Variants in POLA1 observed in about 807,000 individuals in gnomAD.
POLA1 encodes DNA polymerase alpha 1, catalytic subunit.
A neutral mutation model predicts 124.0 loss-of-function variants in POLA1; 15 were observed. That is an observed-to-expected ratio of 0.12 (90% CI 0.08 to 0.19). POLA1 has a LOEUF of 0.19. Among genes scored for constraint, POLA1 ranks in the 10% least tolerant of loss-of-function variants. The pLI is 1.00. For synonymous variants in POLA1, 408 were observed against 389.4 expected, an observed-to-expected ratio of 1.05 and a Z score of -0.56; for missense variants, 886 against 1,103.4, an observed-to-expected ratio of 0.80 and a Z score of 2.79.
At chrX:24,818,808 A>G (rs994100124) in intron 30 of POLA1, among the ~76,000 whole-genome samples, 4 of 112,247 alleles carry the variant, frequency 3.6e-5, no homozygotes, top group African/African-American at 1.3e-4. Context: ...ACAATTTTGC[A>G]CATCTCTTTA....
chrX:24,995,723 A>G lies in POLA1; in HGVS notation c.4262-82A>G, dbSNP rs181272052. ...AGATGGTGGAGATACAAATGGAATC[A>G]GCATCCCCTTCTCTGGTGGAATACT... On this transcript the variant is annotated intron_variant, in intron 36 of 36. Coordinates refer to ENST00000379068, the MANE Select transcript of POLA1 (RefSeq NM_001330360.2). The G allele has an allele frequency of 2.4e-4, 207 of 862,705 alleles. 1 individual carries two copies. The African/African-American group carries it at 3.6e-3, about 15-fold the overall frequency. The allele number at this position is 862,705 out of a possible 1,213,427, so 71.1% of individuals were successfully genotyped here.
At chrX:24,840,804 C>A (rs910282944) in intron 32 of POLA1, among the ~76,000 whole-genome samples, 1 of 111,830 alleles carries the variant, frequency 8.9e-6, no homozygotes, top group Non-Finnish European at 1.9e-5. Flanking sequence ...CCTTAGCAAT[C>A]CCTAAAATTC....
intron 35 of POLA1, among the ~76,000 whole-genome samples, chrX:24,920,616 A>G (rs1027566531): frequency 8.9e-6 from 1 of 112,424 alleles, no homozygotes; most frequent in South Asian, 3.7e-4. Flanking sequence ...CCTGGCATCA[A>G]GTATTGGCTC....
intron 34 of POLA1, among the ~76,000 whole-genome samples, chrX:24,855,520 A>G (rs1486966538): frequency 8.9e-6 from 1 of 111,848 alleles, no homozygotes; most frequent in Non-Finnish European, 1.9e-5. Context: ...GGGTAGGTAC[A>G]TGATCTGTGA....
intron 34 of POLA1, among the ~76,000 whole-genome samples, chrX:24,865,626 A>G (rs2046783369): frequency 9.0e-6 from 1 of 111,668 alleles, no homozygotes; most frequent in Non-Finnish European, 1.9e-5. Flanking sequence ...TCATATAAAA[A>G]CTACGGAATG....
chrX:24,719,537 T>C (rs1930069208), intron 10 of POLA1, among the ~76,000 whole-genome samples: 1 of 111,847 alleles, frequency 8.9e-6, no homozygotes, highest in Admixed American at 9.5e-5. Flanking sequence ...AAGCAGATGA[T>C]TTCCCATCCA....
intron 36 of POLA1, among the ~76,000 whole-genome samples, chrX:24,958,939 T>C (rs2048138587): frequency 8.9e-6 from 1 of 111,908 alleles, no homozygotes; most frequent in Non-Finnish European, 1.9e-5. Flanking sequence ...AGACTGACTT[T>C]TGGACTCGCA....
chrX:24,837,653 A>T (rs773162032), intron 32 of POLA1, among the ~76,000 whole-genome samples: 6 of 112,120 alleles, frequency 5.4e-5, no homozygotes, highest in Non-Finnish European at 1.1e-4. Context: ...AGATGTCCAG[A>T]TATATGAAAG....
At chrX:24,773,219 T>C (rs2045073767) in intron 26 of POLA1, among the ~76,000 whole-genome samples, 1 of 112,544 alleles carries the variant, frequency 8.9e-6, no homozygotes, top group Non-Finnish European at 1.9e-5. Context: ...TGAATGCAGA[T>C]AGAATCAGGG....
chrX:24,944,205 GT>G (rs2047937222), intron 36 of POLA1, among the ~76,000 whole-genome samples: 1 of 111,996 alleles, frequency 8.9e-6, no homozygotes, highest in Non-Finnish European at 1.9e-5. Context: ...TGGGTATATA[GT>G]GGCTTTCCAT....
At chrX:24,941,592 A>T (rs993323469) in intron 36 of POLA1, among the ~76,000 whole-genome samples, 1 of 112,533 alleles carries the variant, frequency 8.9e-6, no homozygotes, top group African/African-American at 3.2e-5. Context: ...TCTGGTTCAT[A>T]TAATGCTACC....
At chrX:24,761,903 C>G (rs1186659016) in intron 26 of POLA1, among the ~76,000 whole-genome samples, 1 of 111,756 alleles carries the variant, frequency 8.9e-6, no homozygotes, top group Non-Finnish European at 1.9e-5. Flanking sequence ...AGAGCTAGAG[C>G]TTGGGAAGCT....
In POLA1 at chrX:24,816,015, ATC is replaced by A. The variant is rs767256450; in HGVS notation, c.3429+906_3429+907del. Among the ~76,000 whole-genome samples the A allele has an allele frequency of 2.7e-5, 3 of 112,451 alleles. No homozygotes were observed. In the South Asian group the frequency reaches 1.1e-3, roughly 41 times the overall value. On this transcript the variant is annotated intron_variant, in intron 30 of 36. Coordinates refer to ENST00000379068, the MANE Select transcript of POLA1 (RefSeq NM_001330360.2). ...ATTAATCAGTGTATTAAAAAGATGT[ATC>A]TGTTTCACTGATACATCTTTATTTA...
At chrX:24,909,615 A>G (rs1274055013) in intron 35 of POLA1, among the ~76,000 whole-genome samples, 8 of 111,300 alleles carry the variant, frequency 7.2e-5, no homozygotes, top group African/African-American at 2.6e-4. Flanking sequence ...TGGTATCAGT[A>G]CCATGCTGTT....
chrX:24,740,027 T>C (rs1349864923), intron 20 of POLA1, among the ~76,000 whole-genome samples: 1 of 111,127 alleles, frequency 9.0e-6, no homozygotes, highest in African/African-American at 3.3e-5. Context: ...TACCATGGGA[T>C]GGCTATGCTT....
chrX:24,987,950 T>G (rs2048496803), intron 36 of POLA1, among the ~76,000 whole-genome samples: 1 of 111,374 alleles, frequency 9.0e-6, no homozygotes, highest in Non-Finnish European at 1.9e-5. Flanking sequence ...TGGCCTCGCT[T>G]TAGTTCCAGC....
intron 2 of POLA1, among the ~76,000 whole-genome samples, chrX:24,702,066 C>T (rs1338229049): frequency 1.2e-5 from 1 of 84,200 alleles, no homozygotes; most frequent in Non-Finnish European, 2.3e-5. Flanking sequence ...GAATCAGGTA[C>T]TTTTTTTTTT....
chrX:24,846,891 T>C (rs754054349), intron 34 of POLA1, among the ~76,000 whole-genome samples: 2 of 112,327 alleles, frequency 1.8e-5, no homozygotes, highest in Non-Finnish European at 3.8e-5. Context: ...GGTTTTATCT[T>C]TGATCTGACA....
chrX:24,950,317 G>C (rs2048019726), intron 36 of POLA1, among the ~76,000 whole-genome samples: 1 of 111,856 alleles, frequency 8.9e-6, no homozygotes, highest in South Asian at 3.7e-4. Flanking sequence ...CCCACATGTA[G>C]CTGTTGAACA....
Sources: allele counts gnomAD v4.1 joint callset (sites outside exome capture counted in the v4.1 genomes callset), GRCh38; gene constraint gnomAD v4.1.1; transcripts MANE v1.5; gene names NCBI Gene and HGNC (gene_info 2026-07-23, HGNC 2026-07-21).